Variants in SHISA9 observed in about 807,000 individuals in gnomAD.
The protein encoded by SHISA9 is protein shisa-9.
SHISA9 carries 13 observed loss-of-function variants against 38.0 expected under a neutral mutation model. The ratio of observed to expected loss-of-function variants is 0.34; its 90% confidence interval spans 0.22 to 0.54. The LOEUF (loss-of-function observed/expected upper bound fraction) is 0.54, where lower values mean the gene tolerates loss of function less well. SHISA9 is among the 20% of genes least tolerant of loss of function. SHISA9 has a pLI of 0.91. For synonymous variants in SHISA9, 275 were observed against 242.0 expected (o/e 1.14, Z -1.27); for missense variants, 538 against 575.8 (o/e 0.93, Z 0.67).
At chr16:13,268,504 G>T in the SHISA9 span, among the ~76,000 whole-genome samples, 3 of 149,932 alleles carry the variant, frequency 2.0e-5, no homozygotes, top group East Asian at 3.9e-4. Flanking sequence ...AGCAAAACTC[G>T]GTCTCAGAAA....
At chr16:13,488,100 AG>A in the SHISA9 span, among the ~76,000 whole-genome samples, 2 of 152,140 alleles carry the variant, frequency 1.3e-5, no homozygotes, top group South Asian at 4.2e-4. Flanking sequence ...ATGGACCACC[AG>A]GGGGGTTTGT....
chr16:13,017,319 C>A (rs2072770400), intron 2 of SHISA9, among the ~76,000 whole-genome samples: 1 of 152,226 alleles, frequency 6.6e-6, no homozygotes, highest in African/African-American at 2.4e-5. Flanking sequence ...AGTGCCCGGC[C>A]TGTTCTTCTG....
At chr16:13,445,211 C>A in the SHISA9 span, among the ~76,000 whole-genome samples, 383 of 151,988 alleles carry the variant, frequency 2.5e-3, 2 homozygotes, top group African/African-American at 9.1e-3. Context: ...TTGTTATGTG[C>A]TTGTCTCCCT....
At chr16:13,003,898 G>T (rs28705687) in intron 2 of SHISA9, among the ~76,000 whole-genome samples, 15,600 of 149,046 alleles carry the variant, frequency 0.1, 938 homozygotes, top group Middle Eastern at 0.14. Context: ...ATAAGAAGAA[G>T]AAGAAGAAGA....
chr16:13,095,610 A>T lies in SHISA9; in HGVS notation c.692-107784A>T, dbSNP rs144819066. ...ACTACAGTCCAGACCATCTTCATTT[A>T]ACTGAATTCTAGCTGTGGGTTTCCA... On this transcript the variant is annotated intron_variant, in intron 2 of 4. Coordinates refer to ENST00000558583, the MANE Select transcript of SHISA9 (RefSeq NM_001145204.3). 6.2e-3 allele frequency among the ~76,000 whole-genome samples: 943 copies of T among 152,342 alleles called. 10 individuals are homozygous for T. Among genetic ancestry groups the T allele is most frequent in the African/African-American group, 0.021 (892 of 41,578 alleles).
chr16:13,050,772 G>A (rs1156340667), intron 2 of SHISA9, among the ~76,000 whole-genome samples: 2 of 152,220 alleles, frequency 1.3e-5, no homozygotes, highest in African/African-American at 2.4e-5. Context: ...GCTAGTAACA[G>A]ATTGGAACTC....
chr16:13,334,496 C>T, the SHISA9 span, among the ~76,000 whole-genome samples: 23 of 152,106 alleles, frequency 1.5e-4, no homozygotes, highest in African/African-American at 5.1e-4. Context: ...GAACTAAGGC[C>T]GGGTGTGTTG....
the SHISA9 span, among the ~76,000 whole-genome samples, chr16:13,322,902 G>A: frequency 6.6e-6 from 1 of 152,082 alleles, no homozygotes; most frequent in South Asian, 2.1e-4. Flanking sequence ...AAATCTAAGA[G>A]GCTACCAGTC....
chr16:13,554,055 TG>T, the SHISA9 span, among the ~76,000 whole-genome samples: 1 of 152,096 alleles, frequency 6.6e-6, no homozygotes, highest in Admixed American at 6.6e-5. Context: ...TCCTCTATTT[TG>T]GGGGGAAAGT....
intron 1 of SHISA9, among the ~76,000 whole-genome samples, chr16:12,903,995 C>A (rs1596519145): frequency 6.6e-6 from 1 of 151,834 alleles, no homozygotes; most frequent in African/African-American, 2.4e-5. Flanking sequence ...TGAGGAAGTT[C>A]TCGGTTTGGG....
the SHISA9 span, among the ~76,000 whole-genome samples, chr16:13,347,742 A>C: frequency 6.6e-6 from 1 of 152,158 alleles, no homozygotes; most frequent in South Asian, 2.1e-4. Flanking sequence ...ATTCTCCTGC[A>C]GAATTTCTTC....
the SHISA9 span, among the ~76,000 whole-genome samples, chr16:13,412,140 G>A: frequency 1.3e-5 from 2 of 152,152 alleles, no homozygotes; most frequent in African/African-American, 4.8e-5. Flanking sequence ...AGATCCACAT[G>A]TGGATTACAT....
the SHISA9 span, among the ~76,000 whole-genome samples, chr16:13,539,326 G>GTATATAT: frequency 2.1e-3 from 72 of 33,720 alleles, 3 homozygotes; most frequent in East Asian, 7.1e-3. Context: ...ATAAAGACAG[G>GTATATAT]ATCTTTATAT....
chr16:13,469,385 G>GAAA, the SHISA9 span, among the ~76,000 whole-genome samples: 1 of 91,328 alleles, frequency 1.1e-5, no homozygotes, highest in African/African-American at 4.2e-5. Flanking sequence ...AAGAAAGAAA[G>GAAA]AAAGAAAGAA....
chr16:13,221,780 T>A (rs1379543399), intron 4 of SHISA9, among the ~76,000 whole-genome samples: 2 of 152,186 alleles, frequency 1.3e-5, no homozygotes, highest in Non-Finnish European at 2.9e-5. Flanking sequence ...TTAGTAGACA[T>A]TTTCCATCTC....
At chr16:13,331,055 T>G in the SHISA9 span, among the ~76,000 whole-genome samples, 1 of 152,120 alleles carries the variant, frequency 6.6e-6, no homozygotes, top group African/African-American at 2.4e-5. Context: ...AACTACTCCA[T>G]AAGCAGTTAA....
chr16:13,317,815 C>A, the SHISA9 span, among the ~76,000 whole-genome samples: 1 of 152,180 alleles, frequency 6.6e-6, no homozygotes, highest in South Asian at 2.1e-4. Flanking sequence ...CTGATGCCTA[C>A]AACTTCATGA....
At chr16:13,120,881 G>T (rs1157788866) in intron 2 of SHISA9, among the ~76,000 whole-genome samples, 1 of 152,110 alleles carries the variant, frequency 6.6e-6, no homozygotes. Flanking sequence ...TTTTACAGGT[G>T]GTCAGGGGGA....
the SHISA9 span, among the ~76,000 whole-genome samples, chr16:13,405,223 G>A: frequency 2.0e-5 from 3 of 152,136 alleles, no homozygotes; most frequent in South Asian, 4.1e-4. Flanking sequence ...AGTCAATTCC[G>A]AATATGTTAT....
Sources: allele counts gnomAD v4.1 joint callset (sites outside exome capture counted in the v4.1 genomes callset), GRCh38; gene constraint gnomAD v4.1.1; transcripts MANE v1.5; gene names NCBI Gene and HGNC (gene_info 2026-07-23, HGNC 2026-07-21).